The following ANLN variants were observed in gnomAD, a reference collection of about 807,000 sequenced individuals.
ANLN encodes the protein anillin.
A neutral mutation model predicts 135.1 loss-of-function variants in ANLN; 59 were observed. That is an observed-to-expected ratio of 0.44 (90% CI 0.35 to 0.54). The LOEUF (loss-of-function observed/expected upper bound fraction) is 0.54, where lower values mean the gene tolerates loss of function less well. Ranked by LOEUF, ANLN falls within the 20% of genes least tolerant of loss-of-function variation. The pLI is 0.00. For synonymous variants in ANLN, 406 were observed against 456.4 expected (o/e 0.89, Z 1.41); for missense variants, 1,182 against 1,340.0 (o/e 0.88, Z 1.84).
At position 36,449,666 on chromosome 7, in the gene ANLN, A is replaced by C. The variant is rs375919058; in HGVS notation, c.3080A>C (p.Asn1027Thr). ...ATTTCTCTTAATTTGTTTTTAAAGA[A>C]TCCCATAGGAAGGATAAATCTGGCT... ...WTYPDDEKRKNPIGRINLANC... is the reference protein window; with the variant it reads ...WTYPDDEKRKTPIGRINLANC... The change falls in exon 23 of 24, where the codon AAT becomes ACT. Residue 1027 changes from asparagine to threonine, a missense_variant and splice_region_variant. Asn to Thr is a moderately conservative substitution (Grantham distance 65). Coordinates refer to ENST00000265748, the MANE Select transcript of ANLN (RefSeq NM_018685.5). 7.5e-6 allele frequency: 12 copies of C among 1,604,996 alleles called. No individual in the cohort carries two copies. In the African/African-American group the frequency reaches 1.5e-4, roughly 20 times the overall value.
Position 36,420,223 on chromosome 7 carries a change from A to G in ANLN, c.1924A>G (p.Ser642Gly). 1 of 1,614,108 alleles carries G rather than the reference A, an allele frequency of 6.2e-7. No individual in the cohort carries two copies. The highest frequency in any genetic ancestry group is 1.1e-5 in the South Asian group (1 of 91,080). ...GAAAGACACCAGCAGAAGTGATGAA[A>G]GTCCAAAACCAGGAAAATTCCAAAG... ...ELKDTSRSDESPKPGKFQRTR... is the reference protein window; with the variant it reads ...ELKDTSRSDEGPKPGKFQRTR... Residue 642 changes from serine to glycine, a missense_variant, in exon 11 of 24, where the codon AGT becomes GGT. This residue lies in a region of ANLN where 1,022 missense variants were observed against 1,134.0 expected (regional missense o/e 0.90). Transcript: ENST00000265748.
intron 12 of ANLN, 120 bp from the exon 13 acceptor site, chr7:36,421,737 T>G: frequency 2.2e-6 from 2 of 914,682 alleles, no homozygotes; most frequent in Non-Finnish European, 3.2e-6. Context: ...GAAACTAACA[T>G]TTTGACTTTC....
At chr7:36,409,694 G>T (rs1247431669) in intron 5 of ANLN, among the ~76,000 whole-genome samples, 1 of 152,004 alleles carries the variant, frequency 6.6e-6, no homozygotes, top group Non-Finnish European at 1.5e-5. Context: ...TTTTGAGACA[G>T]GGTCTCACTT....
chr7:36,403,094 G>T (rs926704980), intron 3 of ANLN, among the ~76,000 whole-genome samples: 4 of 152,076 alleles, frequency 2.6e-5, no homozygotes, highest in Admixed American at 1.3e-4. Flanking sequence ...TCCAGCCTGG[G>T]CAACAAGAGC....
intron 21 of ANLN, among the ~76,000 whole-genome samples, chr7:36,440,302 A>T (rs1788713634): frequency 6.6e-6 from 1 of 152,190 alleles, no homozygotes; most frequent in Non-Finnish European, 1.5e-5. Context: ...AGAATCTAGC[A>T]TCATGGTTGT....
At chr7:36,420,886 A>G in intron 12 of ANLN, 142 bp downstream of exon 12, 1 of 732,828 alleles carries the variant, frequency 1.4e-6, no homozygotes, top group Non-Finnish European at 2.1e-6. Flanking sequence ...TCAGTAAATC[A>G]CATTTGAATT....
At chr7:36,433,928 A>G (rs1788425632) in intron 20 of ANLN, among the ~76,000 whole-genome samples, 1 of 151,414 alleles carries the variant, frequency 6.6e-6, no homozygotes, top group Admixed American at 6.6e-5. Context: ...ATTTTTCTCC[A>G]TCTTTTCATC....
chr7:36,425,956 T>C (rs1438078351), intron 18 of ANLN, 59 bp from the exon 19 acceptor site: 2 of 1,362,274 alleles, frequency 1.5e-6, no homozygotes, highest in African/African-American at 3.0e-5. Context: ...TTTAAATCTT[T>C]GTATTAAATA....
At position 36,428,446 on chromosome 7, in the gene ANLN, A is replaced by G; in HGVS notation, c.2883+1418A>G. The G allele has an allele frequency of 4.3e-6, 3 of 697,432 alleles. No homozygotes were observed. The South Asian group carries it at 5.1e-5, about 12-fold the overall frequency. The allele number at this position is 697,432 out of a possible 1,614,324, so 43.2% of individuals were successfully genotyped here. A position where few individuals can be genotyped will look rare whatever the true frequency, so the allele number is the denominator to read the frequency against. On this transcript the variant is annotated intron_variant, in intron 20 of 23. Coordinates refer to ENST00000265748, the MANE Select transcript of ANLN (RefSeq NM_018685.5). Reference sequence around the variant, plus strand: ...TCTACATATATTTGTTTTACTAACTATCTTTTTGTTTACTTTGAATAATTA... The same window carrying G: ...TCTACATATATTTGTTTTACTAACTGTCTTTTTGTTTACTTTGAATAATTA...
At chr7:36,409,919 G>A (rs1338244744) in intron 5 of ANLN, among the ~76,000 whole-genome samples, 3 of 152,006 alleles carry the variant, frequency 2.0e-5, no homozygotes, top group South Asian at 2.1e-4. Flanking sequence ...AGATCCACCC[G>A]CCTCGGCCAC....
At chr7:36,426,292 C>G (rs929358428) in intron 19 of ANLN, among the ~76,000 whole-genome samples, 2 of 152,122 alleles carry the variant, frequency 1.3e-5, no homozygotes, top group South Asian at 4.1e-4. Flanking sequence ...TGGCATTACT[C>G]TTTACTTCAA....
chr7:36,431,561 TTGTGTGTGTGTGTGTGTG>T (rs1186662720), intron 20 of ANLN, among the ~76,000 whole-genome samples: 9 of 76,026 alleles, frequency 1.2e-4, no homozygotes, highest in East Asian at 4.3e-4. Context: ...ATGTGTGTGT[TTGTGTGTGTGTGTGTGTG>T]TGTGTGTGTG....
chr7:36,447,600 A>C (rs183891724), intron 22 of ANLN, among the ~76,000 whole-genome samples: 1 of 150,692 alleles, frequency 6.6e-6, no homozygotes, highest in Non-Finnish European at 1.5e-5. Context: ...AATTTTTTGT[A>C]TTTTTTTAGT....
intron 4 of ANLN, 89 bp from the exon 5 acceptor site, chr7:36,407,645 A>T: frequency 1.1e-6 from 1 of 925,684 alleles, no homozygotes; most frequent in Admixed American, 2.2e-5. Context: ...CATAAAGGCT[A>T]TCAAGTAAAT....
intron 3 of ANLN, among the ~76,000 whole-genome samples, chr7:36,405,313 A>G (rs197366): frequency 0.2 from 30,382 of 152,146 alleles, 3,475 homozygotes; most frequent in South Asian, 0.3. Context: ...CTCATGATGC[A>G]TTTCTCAGAA....
chr7:36,401,049 A>G (rs1224650387), intron 3 of ANLN, among the ~76,000 whole-genome samples: 1 of 152,232 alleles, frequency 6.6e-6, no homozygotes, highest in African/African-American at 2.4e-5. Context: ...ATTAGGCAGC[A>G]GAGAGTTTAA....
At position 36,424,561 on chromosome 7, in the gene ANLN, G is replaced by T; in HGVS notation, c.2620G>T (p.Asp874Tyr). The T allele has an allele frequency of 1.9e-6, 3 of 1,599,798 alleles. No individual in the cohort carries two copies. In the South Asian group the frequency reaches 3.4e-5, roughly 18 times the overall value. The change falls in exon 16 of 24, where the codon GAC becomes TAC. Residue 874 changes from aspartate to tyrosine, a missense_variant. Around this residue, in one of 3 missense-constraint regions of ANLN, gnomAD observed 1,022 missense variants for 1,134.0 expected, o/e 0.90. Coordinates refer to ENST00000265748, the MANE Select transcript of ANLN (RefSeq NM_018685.5). The part of the protein sequence containing the change: ...TTFTLQDVSN[D>Y]FEINIEVYSL... ...TTTTTCCAGGCAAGATGTATCCAAT[G>T]ACTTTGAAATAAATATTGAAGTTTA...
intron 7 of ANLN, among the ~76,000 whole-genome samples, chr7:36,413,717 G>A (rs1035592989): frequency 1.3e-5 from 2 of 152,194 alleles, no homozygotes; most frequent in Non-Finnish European, 2.9e-5. Context: ...GGGGCTCGGC[G>A]TGGTGGCTCC....
chr7:36,421,605 T>C (rs1787878377), intron 12 of ANLN, among the ~76,000 whole-genome samples: 1 of 152,192 alleles, frequency 6.6e-6, no homozygotes, highest in South Asian at 2.1e-4. Context: ...TTGTTGGATG[T>C]AACCCCAATT....
Sources: allele counts gnomAD v4.1 joint callset (sites outside exome capture counted in the v4.1 genomes callset), GRCh38; gene constraint gnomAD v4.1.1; regional missense constraint gnomAD v4.1.1; transcripts MANE v1.5; gene names NCBI Gene and HGNC (gene_info 2026-07-23, HGNC 2026-07-21).